Variants in HK1 observed in about 807,000 individuals in gnomAD.
The protein encoded by HK1 is hexokinase-1.
In HK1, 28 loss-of-function variants were observed where a neutral mutation model predicts 91.6. That is an observed-to-expected ratio of 0.31 (90% CI 0.23 to 0.42). HK1 has a LOEUF of 0.42. Ranked by LOEUF, HK1 falls within the 10% of genes least tolerant of loss-of-function variation. The pLI is 1.00. For synonymous variants in HK1, 430 were observed against 468.1 expected (o/e 0.92, Z 1.05); for missense variants, 770 against 1,219.8 (o/e 0.63, Z 5.49).
intron 3 of HK1, among the ~76,000 whole-genome samples, chr10:69,293,757 T>C (rs1415956201): frequency 6.6e-6 from 1 of 152,056 alleles, no homozygotes; most frequent in Non-Finnish European, 1.5e-5. Flanking sequence ...GCCACACATG[T>C]TCAGCAGAAT....
At chr10:69,350,496 A>G (rs1430554632) in intron 2 of HK1, among the ~76,000 whole-genome samples, 2 of 152,008 alleles carry the variant, frequency 1.3e-5, no homozygotes, top group Non-Finnish European at 2.9e-5. Flanking sequence ...CTCCGTCTCT[A>G]CTAAAAAATA....
chr10:69,300,697 T>C (rs774966791), intron 4 of HK1: 4 of 904,504 alleles, frequency 4.4e-6, no homozygotes, highest in Non-Finnish European at 7.3e-6. Context: ...CCATGCTTCA[T>C]CATCACAGTG....
chr10:69,386,435 T>C lies in HK1; in HGVS notation c.1935+17T>C, dbSNP rs1554824391. The C allele has an allele frequency of 6.3e-7, 1 of 1,579,930 alleles. No homozygotes were observed. The highest frequency in any genetic ancestry group is 1.1e-5 in the South Asian group (1 of 90,182). ...AGGAGAGAGGTAACTATTAAAAGAA[T>C]GTTTTTTAAAATCTTTACTGTTTTA... On this transcript the variant is annotated intron_variant, in intron 13 of 17. Coordinates refer to ENST00000359426, the MANE Select transcript of HK1 (RefSeq NM_000188.3).
chr10:69,303,239 G>A (rs573059467), intron 5 of HK1, among the ~76,000 whole-genome samples: 1 of 152,106 alleles, frequency 6.6e-6, no homozygotes, highest in Non-Finnish European at 1.5e-5. Context: ...TGACAAGGAT[G>A]CAGGTTCTAT....
chr10:69,367,459 C>T (rs1849767255), intron 4 of HK1, among the ~76,000 whole-genome samples: 1 of 152,198 alleles, frequency 6.6e-6, no homozygotes, highest in Non-Finnish European at 1.5e-5. Context: ...AGATTGCCAG[C>T]CCCACCTTTG....
At chr10:69,324,855 A>G (rs567186874) in intron 1 of HK1, among the ~76,000 whole-genome samples, 1 of 152,246 alleles carries the variant, frequency 6.6e-6, no homozygotes, top group African/African-American at 2.4e-5. Flanking sequence ...GATCTTTTGC[A>G]ACCACTTAAT....
At chr10:69,386,473 A>AC in intron 13 of HK1, 55 bp downstream of exon 13, 1 of 1,392,158 alleles carries the variant, frequency 7.2e-7, no homozygotes, top group Non-Finnish European at 1.0e-6. Context: ...GGCTTCTAAA[A>AC]AGTGTATTTG....
chr10:69,367,575 T>TG (rs1018703956), intron 4 of HK1, among the ~76,000 whole-genome samples: 1 of 152,144 alleles, frequency 6.6e-6, no homozygotes, highest in Non-Finnish European at 1.5e-5. Context: ...GCTTAGTTGC[T>TG]GCTGAGCAAA....
At chr10:69,316,446 C>T (rs550721877), upstream of HK1, among the ~76,000 whole-genome samples, 4 of 152,302 alleles carry the variant, frequency 2.6e-5, no homozygotes, top group South Asian at 8.3e-4. Context: ...GGGAGATGGA[C>T]TGGGAGTTGG....
intron 5 of HK1, among the ~76,000 whole-genome samples, chr10:69,303,961 C>G (rs1490766424): frequency 6.6e-6 from 1 of 152,206 alleles, no homozygotes; most frequent in South Asian, 2.1e-4. Flanking sequence ...CTGTCTTGCA[C>G]TGAGTCAGTT....
chr10:69,318,058 C>G, upstream of HK1: 8 of 985,436 alleles, frequency 8.1e-6, no homozygotes, highest in Non-Finnish European at 9.6e-6. Flanking sequence ...GGACAGGCCA[C>G]GACCTGTGGC....
intron 5 of HK1, among the ~76,000 whole-genome samples, chr10:69,301,466 C>T (rs1014567122): frequency 2.8e-5 from 4 of 143,418 alleles, no homozygotes; most frequent in African/African-American, 7.9e-5. Flanking sequence ...CCCAGCTACT[C>T]GGGAGGCTGA....
In HK1 at chr10:69,369,981, G is replaced by A. The variant is rs564877720; in HGVS notation, c.875+357G>A. 9.5e-4 allele frequency among the ~76,000 whole-genome samples: 144 copies of A among 152,096 alleles called. No homozygotes were observed. The highest frequency in any genetic ancestry group is 1.7e-3 in the Non-Finnish European group (116 of 68,014). On this transcript the variant is annotated intron_variant, in intron 7 of 17. Transcript: ENST00000359426. This position sits in a 1 kb window ranked among gnomAD's most constrained non-coding sequence, Gnocchi z 4.4. ...TCAAACTCCTGACTTCAAGCGATCT[G>A]CCTGCCTCAGCCTCCCAAAATGCTG...
chr10:69,300,436 A>G, intron 4 of HK1: 2 of 783,438 alleles, frequency 2.6e-6, no homozygotes, highest in Admixed American at 2.3e-5. Context: ...TCTCTAGAAA[A>G]AGAATCCCAG....
intron 1 of HK1, chr10:69,271,063 G>A (rs910602807): frequency 7.9e-5 from 12 of 152,146 alleles, no homozygotes; most frequent in African/African-American, 2.7e-4. Context: ...ATGCACTGAA[G>A]ACCAAAAGAA....
At chr10:69,358,951 A>T (rs1297862798) in intron 2 of HK1, among the ~76,000 whole-genome samples, 2 of 151,924 alleles carry the variant, frequency 1.3e-5, no homozygotes, top group Non-Finnish European at 2.9e-5. Context: ...GAGAGGCTGA[A>T]GTGAGAGGAT....
chr10:69,376,445 A>G (rs1438199892), intron 7 of HK1, among the ~76,000 whole-genome samples: 1 of 152,196 alleles, frequency 6.6e-6, no homozygotes, highest in Admixed American at 6.5e-5. Context: ...TTGAGGCTGC[A>G]GAGAGTCGAG....
upstream of HK1, chr10:69,316,086 G>A: frequency 8.1e-7 from 1 of 1,235,580 alleles, no homozygotes; most frequent in South Asian, 1.2e-5. Flanking sequence ...GTCAGGCAGA[G>A]GTGAGTGGAG....
At position 69,343,807 on chromosome 10, in the gene HK1, T is replaced by G; in HGVS notation, c.64-20T>G. On this transcript the variant is annotated intron_variant, in intron 1 of 17. Coordinates refer to ENST00000359426, the MANE Select transcript of HK1 (RefSeq NM_000188.3). ...TCCTCCCCCTCGACCTCACTCTCCT[T>G]CCTTCTCATCCCCCTCCAGATTGAC... The G allele has an allele frequency of 6.2e-7, 1 of 1,604,708 alleles. No homozygotes were observed.
Sources: gnomAD v4.1 joint callset for allele counts (sites outside exome capture counted in the v4.1 genomes callset) on GRCh38, gnomAD v4.1.1 for gene constraint, Gnocchi (gnomAD v3.1) non-coding constraint, MANE v1.5 for transcripts, NCBI Gene and HGNC (gene_info 2026-07-23, HGNC 2026-07-21) for gene names.